DDX5: variants seen among roughly 807,000 people sequenced by gnomAD.
DDX5 encodes probable ATP-dependent RNA helicase DDX5.
DDX5 carries 6 observed loss-of-function variants against 68.6 expected under a neutral mutation model. The ratio of observed to expected loss-of-function variants is 0.09; its 90% CI spans 0.05 to 0.17. DDX5 has a LOEUF of 0.17. Ranked by LOEUF, DDX5 falls within the 10% of genes least tolerant of loss-of-function variation. The probability of loss-of-function intolerance (pLI) is 1.00; values close to 1 mark genes in which losing one functional copy is unlikely to be tolerated. For missense variants in DDX5, 499 were observed against 756.1 expected, an observed-to-expected ratio of 0.66 and a Z score of 3.99; for synonymous variants, 350 against 247.0, an observed-to-expected ratio of 1.42 and a Z score of -3.91.
At position 64,500,652 on chromosome 17, in the gene DDX5, T is replaced by C. The variant is rs1555670922; in HGVS notation, c.1338A>G (p.Thr446=). Residue 446 remains threonine (T), a synonymous_variant, in exon 12 of 13, where the codon ACA becomes ACG. Transcript: ENST00000225792. The part of the protein sequence containing the change: ...TKTGTAYTFF[T]PNNIKQVSDL... ...CGCTCACTTGCTTTATGTTATTAGG[T>C]GTAAAGAAAGTGTATGCTGTGCCTG... 6.2e-7 allele frequency: 1 copy of C among 1,614,154 alleles called. No homozygotes were observed. Among genetic ancestry groups the C allele is most frequent in the African/African-American group, 1.3e-5 (1 of 75,038 alleles).
chr17:64,505,887 A>G lies in DDX5; in HGVS notation c.44+189T>C, dbSNP rs911425876. On this transcript the variant is annotated intron_variant, in intron 1 of 12. Transcript: ENST00000225792. ...CCACACAAAAAGCAAGCTTGAAGAC[A>G]CTACACCGTCAAATCTCTTCCAATC... The G allele has an allele frequency of 3.4e-5, 52 of 1,535,760 alleles. 1 individual carries two copies. The African/African-American group carries it at 4.9e-4, about 15-fold the overall frequency.
chr17:64,502,887 T>A, intron 8 of DDX5, 39 bp downstream of exon 8: 1 of 1,524,294 alleles, frequency 6.6e-7, no homozygotes. Context: ...TACAGCAAAG[T>A]TGTTAGGAAG....
intron 8 of DDX5, 79 bp from the exon 9 acceptor site, chr17:64,502,628 A>G (rs1470771454): frequency 4.7e-6 from 5 of 1,056,468 alleles, no homozygotes; most frequent in South Asian, 1.4e-5. Context: ...GGTCAGCAAA[A>G]CATTAAGTTC....
At chr17:64,506,339 C>T (rs560429222), upstream of DDX5, 78 of 1,461,314 alleles carry the variant, frequency 5.3e-5, no homozygotes, top group African/African-American at 9.4e-4. Flanking sequence ...GCCTCCTACG[C>T]CGCAGGGAAC....
chr17:64,503,697 T>C, intron 5 of DDX5, 106 bp downstream of exon 5: 2 of 1,519,186 alleles, frequency 1.3e-6, no homozygotes, highest in African/African-American at 2.8e-5. Flanking sequence ...CTGAATAGGG[T>C]GAGCTAACCT....
In DDX5 at chr17:64,506,137, T is replaced by G; in HGVS notation, c.-18A>C. ...CCCGACATGGCGTCAATGGTTGCGG[T>G]TGGCGGGGAACGAAGTATATAGAAA... On this transcript the variant is annotated 5_prime_UTR_variant, in exon 1 of 13. Transcript: ENST00000225792. The G allele has an allele frequency of 6.2e-7, 1 of 1,602,962 alleles. No individual in the cohort carries two copies. The highest frequency in any genetic ancestry group is 8.5e-7 in the Non-Finnish European group (1 of 1,174,382).
At chr17:64,506,636 G>A, upstream of DDX5, 1 of 367,992 alleles carries the variant, frequency 2.7e-6, no homozygotes, top group East Asian at 5.1e-5. Context: ...GTAACCAAAA[G>A]AGGGGGAAGG....
intron 11 of DDX5, chr17:64,501,602 C>T: frequency 5.4e-6 from 1 of 184,674 alleles, no homozygotes; most frequent in Non-Finnish European, 1.1e-5. Context: ...AACTCAAAGA[C>T]CCACAGATCA....
chr17:64,506,404 G>A (rs1184716892), upstream of DDX5: 1 of 1,392,560 alleles, frequency 7.2e-7, no homozygotes, highest in South Asian at 1.5e-5. Context: ...AGGCCGCAAC[G>A]CCCGCTGGCG....
chr17:64,506,033 T>TCCCCCCA, intron 1 of DDX5, 43 bp downstream of exon 1: 1 of 465,856 alleles, frequency 2.1e-6, no homozygotes, highest in Admixed American at 6.4e-5. Flanking sequence ...CGCCCTCCCA[T>TCCCCCCA]CCCCCCACCC....
chr17:64,503,385 G>A (rs200755111), intron 6 of DDX5, 37 bp from the exon 7 acceptor site: 18 of 1,613,810 alleles, frequency 1.1e-5, no homozygotes, highest in East Asian at 2.2e-5. Context: ...ACAATACCTA[G>A]GATATTTAGC....
At chr17:64,502,834 G>T in intron 8 of DDX5, 92 bp downstream of exon 8, 1 of 1,303,334 alleles carries the variant, frequency 7.7e-7, no homozygotes, top group Non-Finnish European at 1.0e-6. Flanking sequence ...CACACCAACT[G>T]AAATAACCTA....
In DDX5 at chr17:64,505,601, G is replaced by A. The variant is rs2038458256; in HGVS notation, c.44+475C>T. 6.9e-6 allele frequency: 6 copies of A among 868,802 alleles called. No homozygotes were observed. The East Asian group carries it at 1.6e-4, about 23-fold the overall frequency. The allele number at this position is 868,802 out of a possible 1,614,324, so 53.8% of individuals were successfully genotyped here. On this transcript the variant is annotated intron_variant, in intron 1 of 12. Transcript: ENST00000225792. ...TAACAAAGGCGCCGCCGCCATGTCC[G>A]AGGCCGGCATTTTGTACTCGCGACT...
In DDX5 at chr17:64,503,484, T is replaced by C. The variant is rs782059766; in HGVS notation, c.595A>G (p.Thr199Ala). 1 of 1,614,178 alleles carries C rather than the reference T, an allele frequency of 6.2e-7. No homozygotes were observed. Among genetic ancestry groups the C allele is most frequent in the Non-Finnish European group, 8.5e-7 (1 of 1,180,030 alleles). ...TTAGGAGCACCACCGTAGATACAAG[T>C]AGACTTCAAGCGACATGCTCTACAA... ...EYCRACRLKS[T>A]CIYGGAPKGP... is the part of the protein sequence containing the mutation. Residue 199 changes from threonine (T) to alanine (A), a missense_variant, in exon 6 of 13, where the codon ACT (threonine) becomes GCT (alanine). Physicochemically the swap from Thr to Ala is moderately conservative, Grantham distance 58. Around this residue, in one of 5 missense-constraint regions of DDX5, gnomAD observed 141 missense variants for 279.8 expected, o/e 0.50. Transcript: ENST00000225792.
chr17:64,506,019 G>GTCCCCCCCCCCCCC, intron 1 of DDX5, 57 bp downstream of exon 1: 6 of 1,360,378 alleles, frequency 4.4e-6, no homozygotes, highest in Non-Finnish European at 6.1e-6. Context: ...CCGCCACCCT[G>GTCCCCCCCCCCCCC]ACCCGCCCTC....
intron 11 of DDX5, chr17:64,501,344 C>T (rs2038293071): frequency 6.3e-6 from 1 of 159,728 alleles, no homozygotes; most frequent in Non-Finnish European, 1.4e-5. Flanking sequence ...GAGAATGTGT[C>T]TCTCTCTGGC....
upstream of DDX5, chr17:64,506,541 C>A (rs1365771574): frequency 3.1e-5 from 17 of 545,460 alleles, no homozygotes; most frequent in African/African-American, 3.0e-4. Flanking sequence ...ACACCTCAAG[C>A]AAGCCACCCC....
Position 64,499,449 on chromosome 17 carries a change from T to G in DDX5, c.*474A>C, listed in dbSNP as rs1350720908. Among the ~76,000 whole-genome samples, 1 of 151,810 alleles carries G rather than the reference T, an allele frequency of 6.6e-6. No individual in the cohort carries two copies. Among genetic ancestry groups the G allele is most frequent in the Non-Finnish European group, 1.5e-5 (1 of 67,992 alleles). ...TTCTGACTCCTGCAATATGAATAGCTCATTATAAAGAAGGGCCTTCTGATT... is the reference window on the plus strand; with the variant it reads ...TTCTGACTCCTGCAATATGAATAGCGCATTATAAAGAAGGGCCTTCTGATT... On this transcript the variant is annotated 3_prime_UTR_variant, in exon 13 of 13. Transcript: ENST00000225792.
Position 64,503,840 on chromosome 17 carries a change from TTGATG to T in DDX5, c.465_469del (p.His155GlnfsTer33). ...GCCTCTCTCTAGGAATGGCTGATGA[TTGATG>T]TGGACAATGGCAGGAAGCAAATACT... On this transcript the variant is annotated frameshift_variant, in exon 5 of 13. Transcript: ENST00000225792. LOFTEE classifies it high-confidence loss of function. 6.2e-7 allele frequency: 1 copy of T among 1,614,234 alleles called. No individual in the cohort carries two copies. Among genetic ancestry groups the T allele is most frequent in the Non-Finnish European group, 8.5e-7 (1 of 1,180,042 alleles).
Sources: allele counts gnomAD v4.1 joint callset (sites outside exome capture counted in the v4.1 genomes callset), GRCh38; gene constraint gnomAD v4.1.1; regional missense constraint gnomAD v4.1.1; transcripts MANE v1.5; gene names NCBI Gene and HGNC (gene_info 2026-07-23, HGNC 2026-07-21).